Variants in MICU3 observed in about 807,000 individuals in gnomAD.
MICU3 encodes calcium uptake protein 3, mitochondrial.
A neutral mutation model predicts 66.5 loss-of-function variants in MICU3; 62 were observed. That is an observed-to-expected ratio of 0.93 (90% CI 0.76 to 1.15). The LOEUF is 1.15. MICU3 is among the 50% of genes most tolerant of loss of function. The pLI is 0.00. For synonymous variants in MICU3, 308 were observed against 240.7 expected, an observed-to-expected ratio of 1.28 and a Z score of -2.59; for missense variants, 779 against 664.4, an observed-to-expected ratio of 1.17 and a Z score of -1.90.
chr8:17,138,170 G>T, the MICU3 span, among the ~76,000 whole-genome samples: 12 of 152,118 alleles, frequency 7.9e-5, no homozygotes, highest in African/African-American at 1.9e-4. Context: ...AAAGAGTTAT[G>T]ATGTCTGATC....
chr8:17,060,673 G>C (rs1335068180), intron 1 of MICU3, among the ~76,000 whole-genome samples: 2 of 152,308 alleles, frequency 1.3e-5, no homozygotes, highest in East Asian at 3.9e-4. Context: ...TTAGTAGACT[G>C]TGTGCTTTAT....
In MICU3 at chr8:17,108,631, G is replaced by C. The variant is rs568724100; in HGVS notation, c.1257+3047G>C. Among the ~76,000 whole-genome samples the C allele has an allele frequency of 2.0e-5, 3 of 152,042 alleles. No individual in the cohort carries two copies. In the South Asian group the frequency reaches 6.2e-4, roughly 32 times the overall value. On this transcript the variant is annotated intron_variant, in intron 11 of 14. Transcript: ENST00000318063. The stretch of plus-strand genomic sequence containing the variant: ...CTGTATAAGAATTTAACCACTCCTA[G>C]CCACCTCCACTGCTACCATCCAAGA...
rs1800968557 is a variant in MICU3, at chr8:17,098,542, G to A, written c.973G>A (p.Asp325Asn). The change falls in exon 9 of 15, where the codon GAC (aspartate) becomes AAC (asparagine). Residue 325 changes from aspartate to asparagine, a missense_variant. Physicochemically the swap from Asp to Asn is conservative, Grantham distance 23 (BLOSUM62 1). Transcript: ENST00000318063. Reference protein sequence around the residue: ...RRNTSQALFSDLAERADDITS... With the variant: ...RRNTSQALFSNLAERADDITS... ...TAACACAAGCCAAGCACTGTTTTCA[G>A]ACCTCGCAGAGGTATAATTAAACCT... 1.2e-6 allele frequency: 2 copies of A among 1,607,672 alleles called. No individual in the cohort carries two copies. The highest frequency in any genetic ancestry group is 1.7e-6 in the Non-Finnish European group (2 of 1,174,732).
rs143926811 is a variant in MICU3 at position 17,105,196 on chromosome 8, A to G, written c.1086-217A>G. On this transcript the variant is annotated intron_variant, in intron 10 of 14. Coordinates refer to ENST00000318063, the MANE Select transcript of MICU3 (RefSeq NM_181723.3). ...ATAGATGAGGAAACTAAACCCCTGA[A>G]AGGCTAGGTTATTTGCCCTGGGTGC... is the stretch of plus-strand genomic sequence containing the variant. Among the ~76,000 whole-genome samples the G allele has an allele frequency of 1.2e-3, 178 of 152,012 alleles. 1 individual carries two copies. The highest frequency in any genetic ancestry group is 4.1e-3 in the African/African-American group (171 of 41,498).
chr8:17,071,095 C>A (rs920439024), intron 3 of MICU3, among the ~76,000 whole-genome samples: 2 of 152,066 alleles, frequency 1.3e-5, no homozygotes, highest in Non-Finnish European at 2.9e-5. Context: ...GACTGAGGGT[C>A]ACAGAAACTG....
the MICU3 span, among the ~76,000 whole-genome samples, chr8:17,129,147 A>G: frequency 2.0e-5 from 3 of 152,308 alleles, no homozygotes; most frequent in African/African-American, 7.2e-5. Flanking sequence ...GGACCAAGCT[A>G]TCCTATCAGT....
At chr8:17,058,532 G>A (rs565903682) in intron 1 of MICU3, among the ~76,000 whole-genome samples, 1 of 149,292 alleles carries the variant, frequency 6.7e-6, no homozygotes, top group Non-Finnish European at 1.5e-5. Flanking sequence ...TATTATTGAT[G>A]TTTTTTTTTT....
chr8:17,050,301 T>C (rs1425021658), intron 1 of MICU3, among the ~76,000 whole-genome samples: 7 of 151,996 alleles, frequency 4.6e-5, no homozygotes, highest in African/African-American at 2.4e-5. Flanking sequence ...AAAAATAATA[T>C]GTCCTTCTAT....
downstream of MICU3, among the ~76,000 whole-genome samples, chr8:17,126,883 G>A (rs797017956): frequency 3.3e-5 from 5 of 152,228 alleles, no homozygotes; most frequent in African/African-American, 9.6e-5. Context: ...TCAGTTACTC[G>A]GTTCAAAAAG....
chr8:17,105,734 C>T (rs1801685709), intron 11 of MICU3, 150 bp downstream of exon 11: 1 of 431,488 alleles, frequency 2.3e-6, no homozygotes, highest in Non-Finnish European at 4.1e-6. Flanking sequence ...GCTCTGGCTA[C>T]ACTTTTAAAA....
intron 1 of MICU3, among the ~76,000 whole-genome samples, chr8:17,048,555 T>G (rs959804240): frequency 6.6e-6 from 1 of 152,188 alleles, no homozygotes; most frequent in African/African-American, 2.4e-5. Flanking sequence ...ATGGGAATTA[T>G]GGGAGCTACA....
At chr8:17,075,726 T>C (rs928021336) in intron 3 of MICU3, among the ~76,000 whole-genome samples, 1 of 152,220 alleles carries the variant, frequency 6.6e-6, no homozygotes, top group African/African-American at 2.4e-5. Flanking sequence ...CTGTCATTTA[T>C]TAGTTCTGTG....
intron 5 of MICU3, among the ~76,000 whole-genome samples, chr8:17,084,824 A>T (rs886731781): frequency 6.6e-6 from 1 of 152,018 alleles, no homozygotes; most frequent in Admixed American, 6.6e-5. Context: ...ATTTATTTTC[A>T]TAGGTCATTT....
chr8:17,033,099 TA>T (rs1812371472), intron 1 of MICU3, among the ~76,000 whole-genome samples: 2 of 152,230 alleles, frequency 1.3e-5, no homozygotes, highest in African/African-American at 4.8e-5. Context: ...GGTCAGTTAC[TA>T]ATCCTAGAAT....
At chr8:17,108,293 A>G (rs1362682379) in intron 11 of MICU3, among the ~76,000 whole-genome samples, 1 of 152,176 alleles carries the variant, frequency 6.6e-6, no homozygotes, top group Non-Finnish European at 1.5e-5. Context: ...TCAAGGGTGC[A>G]GTCAGGACTA....
At chr8:17,078,095 T>C (rs1316706045) in intron 4 of MICU3, among the ~76,000 whole-genome samples, 1 of 152,020 alleles carries the variant, frequency 6.6e-6, no homozygotes, top group African/African-American at 2.4e-5. Flanking sequence ...ATATTATTTG[T>C]ATCTTCCAAA....
intron 1 of MICU3, among the ~76,000 whole-genome samples, chr8:17,047,792 C>T (rs1815341640): frequency 6.6e-6 from 1 of 152,078 alleles, no homozygotes; most frequent in Non-Finnish European, 1.5e-5. Flanking sequence ...ATCAGATCAT[C>T]ATTGAAAGAA....
intron 1 of MICU3, among the ~76,000 whole-genome samples, chr8:17,055,823 T>C (rs1234996280): frequency 6.6e-6 from 1 of 152,188 alleles, no homozygotes; most frequent in African/African-American, 2.4e-5. Context: ...GCCATTACAT[T>C]TGAGGAAGTT....
At chr8:17,083,427 C>T (rs72500128) in intron 5 of MICU3, among the ~76,000 whole-genome samples, 1 of 151,960 alleles carries the variant, frequency 6.6e-6, no homozygotes, top group East Asian at 1.9e-4. Flanking sequence ...CAATCTAGTC[C>T]CCAGGCAAGA....
Sources: allele counts gnomAD v4.1 joint callset (sites outside exome capture counted in the v4.1 genomes callset), GRCh38; gene constraint gnomAD v4.1.1; transcripts MANE v1.5; gene names NCBI Gene and HGNC (gene_info 2026-07-23, HGNC 2026-07-21).